Variants in RASGEF1A observed in about 807,000 individuals in gnomAD.
RASGEF1A encodes the protein RasGEF domain family member 1A, also known as ras-GEF domain-containing family member 1A.
A neutral mutation model predicts 56.4 loss-of-function variants in RASGEF1A; 18 were observed. The observed-to-expected ratio is 0.32, with a 90% CI of 0.22 to 0.47. RASGEF1A has a LOEUF of 0.47. Ranked by LOEUF, RASGEF1A falls within the 20% of genes least tolerant of loss-of-function variation. The pLI, the probability that RASGEF1A is intolerant of heterozygous loss-of-function variation, is 1.00. For synonymous variants in RASGEF1A, 245 were observed against 242.6 expected (o/e 1.01, Z -0.09); for missense variants, 422 against 627.1 (o/e 0.67, Z 3.49).
intron 1 of RASGEF1A, among the ~76,000 whole-genome samples, chr10:43,223,420 T>C (rs1482613521): frequency 6.6e-6 from 1 of 152,198 alleles, no homozygotes; most frequent in Admixed American, 6.5e-5. Flanking sequence ...AAATTCCAAT[T>C]ACAGATGTCA....
chr10:43,207,093 G>A, intron 1 of RASGEF1A: 1 of 985,592 alleles, frequency 1.0e-6, no homozygotes, highest in Non-Finnish European at 1.2e-6. Flanking sequence ...GAGGAGCCAA[G>A]TGGGGACTGG....
chr10:43,210,229 T>C (rs1840047129), intron 1 of RASGEF1A, among the ~76,000 whole-genome samples: 1 of 152,038 alleles, frequency 6.6e-6, no homozygotes, highest in Non-Finnish European at 1.5e-5. Context: ...CCCAGCACTT[T>C]GAGAGGCCGA....
intron 1 of RASGEF1A, chr10:43,208,149 G>T: frequency 5.1e-6 from 5 of 985,472 alleles, no homozygotes; most frequent in Non-Finnish European, 6.0e-6. Flanking sequence ...ACCTCCCCAA[G>T]ATCACACAGT....
chr10:43,239,213 C>A (rs1480889528), intron 1 of RASGEF1A, among the ~76,000 whole-genome samples: 1 of 152,150 alleles, frequency 6.6e-6, no homozygotes, highest in Non-Finnish European at 1.5e-5. Context: ...TCTTTGGCAA[C>A]GAAAAACACT....
In RASGEF1A at chr10:43,265,288, C is replaced by T. The variant is rs571507675; in HGVS notation, c.-7+1557G>A. On this transcript the variant is annotated intron_variant, in intron 1 of 12. Transcript: ENST00000395810. ...TGCCTCCCAGAGAAAAACAAACTCACTGGCTGGCCTTCAGGCCAAGGCACA... is the reference window on the plus strand; with the variant it reads ...TGCCTCCCAGAGAAAAACAAACTCATTGGCTGGCCTTCAGGCCAAGGCACA... 3.9e-5 allele frequency among the ~76,000 whole-genome samples: 6 copies of T among 152,388 alleles called. No homozygotes were observed. In the South Asian group the frequency reaches 1.0e-3, roughly 26 times the overall value.
intron 1 of RASGEF1A, among the ~76,000 whole-genome samples, chr10:43,213,956 C>G (rs1159134371): frequency 6.6e-6 from 1 of 152,146 alleles, no homozygotes; most frequent in Non-Finnish European, 1.5e-5. Context: ...TAATGTGACC[C>G]ATGCCCGTCC....
intron 4 of RASGEF1A, among the ~76,000 whole-genome samples, chr10:43,201,379 G>A (rs1478105560): frequency 6.6e-6 from 1 of 152,168 alleles, no homozygotes; most frequent in East Asian, 1.9e-4. Flanking sequence ...AGTTGGCCCA[G>A]GCATCTCCAG....
chr10:43,208,622 G>A (rs1183008113), intron 1 of RASGEF1A: 8 of 985,656 alleles, frequency 8.1e-6, no homozygotes, highest in Non-Finnish European at 9.6e-6. Flanking sequence ...GACCTGAGAG[G>A]TGGGGTGCTC....
chr10:43,241,169 T>C (rs994744839), intron 1 of RASGEF1A, among the ~76,000 whole-genome samples: 7 of 152,242 alleles, frequency 4.6e-5, no homozygotes, highest in African/African-American at 1.7e-4. Context: ...ACTGGTTTTA[T>C]ATTTATTGCT....
In RASGEF1A at chr10:43,242,807, G is replaced by A. The variant is rs1235644827; in HGVS notation, c.-7+24038C>T. ...CTCGGTCTCCCGAGGTGCTGGGATT[G>A]CAGATGGAGTCTCGCTCACTCATTG... is the stretch of plus-strand genomic sequence containing the variant. On this transcript the variant is annotated intron_variant, in intron 1 of 12. Coordinates refer to ENST00000395810, the MANE Select transcript of RASGEF1A (RefSeq NM_145313.4). Among the ~76,000 whole-genome samples, 4 of 152,186 alleles carry A rather than the reference G, an allele frequency of 2.6e-5. No individual in the cohort carries two copies. The South Asian group carries it at 6.2e-4, about 24-fold the overall frequency.
intron 1 of RASGEF1A, among the ~76,000 whole-genome samples, chr10:43,242,994 CGTCTGGG>C (rs1840520989): frequency 1.3e-5 from 2 of 151,922 alleles, no homozygotes; most frequent in African/African-American, 2.4e-5. Flanking sequence ...GGCCGCCCAT[CGTCTGGG>C]ATGTGAGGAG....
intron 1 of RASGEF1A, among the ~76,000 whole-genome samples, chr10:43,237,201 T>C (rs1264776099): frequency 1.3e-5 from 2 of 151,862 alleles, no homozygotes; most frequent in Non-Finnish European, 1.5e-5. Context: ...GAGGGGGTCT[T>C]GGGGCCAGCC....
rs1300785235 is a variant in RASGEF1A, at chr10:43,230,428, T to G, written c.-6-24306A>C. ...GAAGGAATCTGCCAGGTGATGGGGC[T>G]ACCCCTCTGCGCATTCCTGTGGTGG... On this transcript the variant is annotated intron_variant, in intron 1 of 12. Transcript: ENST00000395810. Among the ~76,000 whole-genome samples the G allele has an allele frequency of 2.4e-4, 36 of 152,246 alleles. 1 individual carries two copies. In the East Asian group the frequency reaches 5.8e-3, roughly 25 times the overall value.
intron 1 of RASGEF1A, among the ~76,000 whole-genome samples, chr10:43,263,683 C>G (rs1836574487): frequency 6.6e-6 from 1 of 152,148 alleles, no homozygotes; most frequent in Non-Finnish European, 1.5e-5. Flanking sequence ...TCAGCCCCTA[C>G]CCCAGCCCGG....
At chr10:43,213,466 G>A (rs1050804805) in intron 1 of RASGEF1A, among the ~76,000 whole-genome samples, 1 of 152,130 alleles carries the variant, frequency 6.6e-6, no homozygotes, top group African/African-American at 2.4e-5. Flanking sequence ...GGGCAGCCAG[G>A]ATCTGAGAAA....
At chr10:43,215,869 C>T (rs942787120) in intron 1 of RASGEF1A, among the ~76,000 whole-genome samples, 7 of 152,318 alleles carry the variant, frequency 4.6e-5, no homozygotes, top group East Asian at 1.9e-4. Context: ...AGTGGGAAAG[C>T]GGTAACCTCT....
chr10:43,212,289 A>G (rs981995285), intron 1 of RASGEF1A, among the ~76,000 whole-genome samples: 2 of 152,206 alleles, frequency 1.3e-5, no homozygotes, highest in South Asian at 2.1e-4. Flanking sequence ...GTGCTTCCCA[A>G]TAAAGCGAGC....
chr10:43,236,479 A>G (rs1306378170), intron 1 of RASGEF1A, among the ~76,000 whole-genome samples: 1 of 152,254 alleles, frequency 6.6e-6, no homozygotes, highest in African/African-American at 2.4e-5. Flanking sequence ...GCATGTGTGC[A>G]TGTCTGCACC....
chr10:43,201,685 C>T (rs1321071898), intron 4 of RASGEF1A, 123 bp downstream of exon 4: 1 of 1,102,240 alleles, frequency 9.1e-7, no homozygotes, highest in Non-Finnish European at 1.2e-6. Context: ...CAGCCAGCAA[C>T]CCTCCTGGGG....
Sources: gnomAD v4.1 joint callset for allele counts (sites outside exome capture counted in the v4.1 genomes callset) on GRCh38, gnomAD v4.1.1 for gene constraint, MANE v1.5 for transcripts, NCBI Gene and HGNC (gene_info 2026-07-23, HGNC 2026-07-21) for gene names.